The following CLSTN2 variants were observed in gnomAD, a reference collection of about 807,000 sequenced individuals.
CLSTN2 encodes calsyntenin 2.
Under a neutral mutation model 101.2 loss-of-function variants are expected in CLSTN2, and 48 were observed. That is an observed-to-expected ratio of 0.47 (90% CI 0.38 to 0.60). The LOEUF is 0.60. CLSTN2 is among the 20% of genes least tolerant of loss of function. The pLI is 0.00. For synonymous variants in CLSTN2, 481 were observed against 463.6 expected, an observed-to-expected ratio of 1.04 and a Z score of -0.48; for missense variants, 1,160 against 1,238.2, an observed-to-expected ratio of 0.94 and a Z score of 0.95.
At chr3:140,294,875 G>A in intron 2 of CLSTN2, among the ~76,000 whole-genome samples, 1 of 152,160 alleles carries the variant, frequency 6.6e-6, no homozygotes, top group East Asian at 1.9e-4. Context: ...CTGACTGCTT[G>A]TATTCTTTCA....
At chr3:140,244,438 C>T (rs897638997) in intron 2 of CLSTN2, among the ~76,000 whole-genome samples, 4 of 152,160 alleles carry the variant, frequency 2.6e-5, no homozygotes, top group African/African-American at 9.7e-5. Context: ...CTACATCCAA[C>T]TAGGTGGCTA....
At chr3:140,377,022 CAG>C (rs1553738103) in intron 2 of CLSTN2, among the ~76,000 whole-genome samples, 3 of 148,720 alleles carry the variant, frequency 2.0e-5, no homozygotes, top group African/African-American at 7.5e-5. Flanking sequence ...CACACATACA[CAG>C]AGAGAGAGAG....
intron 2 of CLSTN2, among the ~76,000 whole-genome samples, chr3:140,402,300 G>A (rs1459079117): frequency 6.6e-6 from 1 of 152,180 alleles, no homozygotes; most frequent in Non-Finnish European, 1.5e-5. Flanking sequence ...AGATGGTGTG[G>A]TGGGATAGAA....
chr3:140,061,353 A>T (rs962881632), intron 1 of CLSTN2, among the ~76,000 whole-genome samples: 1 of 152,230 alleles, frequency 6.6e-6, no homozygotes, highest in African/African-American at 2.4e-5. Context: ...GTAAATGAGA[A>T]AAGCTAAATC....
chr3:140,551,057 G>T (rs1212859648), intron 10 of CLSTN2, among the ~76,000 whole-genome samples: 1 of 152,018 alleles, frequency 6.6e-6, no homozygotes, highest in Non-Finnish European at 1.5e-5. Context: ...AAAACTAGGG[G>T]GACTGGGGCT....
chr3:140,171,369 A>G (rs1382859708), intron 1 of CLSTN2, among the ~76,000 whole-genome samples: 2 of 151,964 alleles, frequency 1.3e-5, no homozygotes, highest in Non-Finnish European at 2.9e-5. Flanking sequence ...TCCCTGCCTC[A>G]TTAGACTGCT....
chr3:140,005,071 A>G (rs2006926650), intron 1 of CLSTN2, among the ~76,000 whole-genome samples: 1 of 152,146 alleles, frequency 6.6e-6, no homozygotes, highest in Non-Finnish European at 1.5e-5. Context: ...TGGATCTTAC[A>G]CCCACTAGAG....
chr3:140,105,735 A>G (rs2009046071), intron 1 of CLSTN2, among the ~76,000 whole-genome samples: 1 of 152,166 alleles, frequency 6.6e-6, no homozygotes, highest in Non-Finnish European at 1.5e-5. Context: ...AAGGCCTCAT[A>G]GACATTTAGC....
chr3:140,564,190 C>T (rs1559906339), intron 16 of CLSTN2, 45 bp downstream of exon 16: 1 of 1,578,256 alleles, frequency 6.3e-7, no homozygotes, highest in South Asian at 1.1e-5. Flanking sequence ...GGTGCTTCTC[C>T]CTCTACCCAG....
intron 4 of CLSTN2, among the ~76,000 whole-genome samples, chr3:140,416,300 A>T (rs1169994049): frequency 6.6e-6 from 1 of 152,148 alleles, no homozygotes; most frequent in Non-Finnish European, 1.5e-5. Flanking sequence ...CAGCAGGGTG[A>T]CTATAGCTAA....
intron 8 of CLSTN2, among the ~76,000 whole-genome samples, chr3:140,491,897 C>T (rs923121321): frequency 1.3e-5 from 2 of 152,118 alleles, no homozygotes; most frequent in Non-Finnish European, 2.9e-5. Flanking sequence ...TGAATTTGTT[C>T]ATTTACTTAA....
chr3:140,000,515 A>G (rs1220322963), intron 1 of CLSTN2, among the ~76,000 whole-genome samples: 1 of 152,200 alleles, frequency 6.6e-6, no homozygotes, highest in Non-Finnish European at 1.5e-5. Flanking sequence ...CATTTTATTC[A>G]TGTCTTGATC....
chr3:140,036,382 T>C (rs1010309749), intron 1 of CLSTN2, among the ~76,000 whole-genome samples: 5 of 152,204 alleles, frequency 3.3e-5, no homozygotes, highest in Admixed American at 6.5e-5. Flanking sequence ...TGAGACAGCT[T>C]GGCTGAAGCC....
At chr3:140,389,252 C>T (rs2088086078) in intron 2 of CLSTN2, among the ~76,000 whole-genome samples, 1 of 152,104 alleles carries the variant, frequency 6.6e-6, no homozygotes, top group Non-Finnish European at 1.5e-5. Flanking sequence ...GGTATTAAGC[C>T]CCACATGCAT....
intron 1 of CLSTN2, among the ~76,000 whole-genome samples, chr3:140,156,544 A>G (rs1426544425): frequency 2.6e-5 from 4 of 152,212 alleles, no homozygotes; most frequent in Non-Finnish European, 5.9e-5. Context: ...GAGTGTAATG[A>G]GGCCCCAGCT....
At chr3:140,002,490 T>C (rs2006863084) in intron 1 of CLSTN2, among the ~76,000 whole-genome samples, 1 of 152,196 alleles carries the variant, frequency 6.6e-6, no homozygotes, top group East Asian at 1.9e-4. Flanking sequence ...TTTGCAAATA[T>C]TTTCTGCCAT....
intron 5 of CLSTN2, among the ~76,000 whole-genome samples, chr3:140,430,394 A>G (rs1174848738): frequency 6.6e-6 from 1 of 152,256 alleles, no homozygotes; most frequent in Non-Finnish European, 1.5e-5. Flanking sequence ...TGGTTTTTAC[A>G]TTTTAAATCA....
intron 8 of CLSTN2, among the ~76,000 whole-genome samples, chr3:140,474,848 C>T (rs1270261273): frequency 6.6e-6 from 1 of 152,102 alleles, no homozygotes. Flanking sequence ...GTTATCACCC[C>T]TAGGAGCACC....
At chr3:140,048,573 C>T (rs2007927121) in intron 1 of CLSTN2, among the ~76,000 whole-genome samples, 1 of 152,190 alleles carries the variant, frequency 6.6e-6, no homozygotes, top group African/African-American at 2.4e-5. Context: ...GATATTCTTA[C>T]TATCATCACC....
Sources: allele counts gnomAD v4.1 joint callset (sites outside exome capture counted in the v4.1 genomes callset), GRCh38; gene constraint gnomAD v4.1.1; transcripts MANE v1.5; gene names NCBI Gene and HGNC (gene_info 2026-07-23, HGNC 2026-07-21).